Variants in CTNNA3 observed in about 807,000 individuals in gnomAD.
CTNNA3 encodes the protein catenin alpha-3.
CTNNA3 carries 76 observed loss-of-function variants against 95.7 expected under a neutral mutation model. That is an observed-to-expected ratio of 0.79 (90% CI 0.66 to 0.96). The LOEUF (loss-of-function observed/expected upper bound fraction) is 0.96. Among genes scored for constraint, CTNNA3 ranks in the 40% least tolerant of loss-of-function variants. The probability of loss-of-function intolerance (pLI) is 0.00; values close to 1 mark genes in which losing one functional copy is unlikely to be tolerated. For synonymous variants in CTNNA3, 431 were observed against 374.4 expected, an observed-to-expected ratio of 1.15 and a Z score of -1.74; for missense variants, 1,191 against 1,089.8, an observed-to-expected ratio of 1.09 and a Z score of -1.31.
chr10:66,258,636 A>G (rs929736930), intron 13 of CTNNA3, among the ~76,000 whole-genome samples: 2 of 152,126 alleles, frequency 1.3e-5, no homozygotes, highest in Non-Finnish European at 2.9e-5. Flanking sequence ...TTTGAGAGTG[A>G]GCCTAAGATC....
intron 9 of CTNNA3, among the ~76,000 whole-genome samples, chr10:66,764,433 G>C (rs1349565017): frequency 2.0e-5 from 3 of 152,140 alleles, no homozygotes; most frequent in African/African-American, 4.8e-5. Context: ...AATTAAAGAG[G>C]TCTCTTTGCT....
At chr10:67,068,821 A>C (rs1384683436) in intron 7 of CTNNA3, among the ~76,000 whole-genome samples, 1 of 152,222 alleles carries the variant, frequency 6.6e-6, no homozygotes, top group Non-Finnish European at 1.5e-5. Context: ...GCACTTTGGG[A>C]GGCTGAGGCA....
chr10:67,405,345 G>A (rs973112511), intron 5 of CTNNA3, among the ~76,000 whole-genome samples: 6 of 152,082 alleles, frequency 3.9e-5, no homozygotes, highest in Non-Finnish European at 7.4e-5. Context: ...AAGGGATGGA[G>A]GAAAATTTAC....
In CTNNA3 at chr10:66,486,683, T is replaced by G. The variant is rs952151965; in HGVS notation, c.1531+33934A>C. On this transcript the variant is annotated intron_variant, in intron 11 of 17. Transcript: ENST00000433211. ...CTAATATATGATCCCACAATCCCAC[T>G]TCTGGGTATATAGCCAAAGGAATTA... is the stretch of plus-strand genomic sequence containing the variant. 2.0e-5 allele frequency among the ~76,000 whole-genome samples: 3 copies of G among 152,248 alleles called. No homozygotes were observed. In the South Asian group the frequency reaches 6.2e-4, roughly 32 times the overall value.
chr10:67,681,712 G>A (rs1265438438), intron 1 of CTNNA3, among the ~76,000 whole-genome samples: 2 of 151,820 alleles, frequency 1.3e-5, no homozygotes, highest in Non-Finnish European at 2.9e-5. Context: ...TAAAGGAAGA[G>A]GTTTAAAATT....
At chr10:66,540,735 T>C (rs1841821565) in intron 10 of CTNNA3, among the ~76,000 whole-genome samples, 1 of 151,796 alleles carries the variant, frequency 6.6e-6, no homozygotes, top group Non-Finnish European at 1.5e-5. Context: ...ATCAGAAATT[T>C]GGGAGAGCCA....
intron 9 of CTNNA3, among the ~76,000 whole-genome samples, chr10:66,631,612 T>C (rs1318178833): frequency 6.6e-6 from 1 of 152,128 alleles, no homozygotes; most frequent in South Asian, 2.1e-4. Flanking sequence ...TAGCAATCTA[T>C]GAATAGGAAG....
intron 5 of CTNNA3, among the ~76,000 whole-genome samples, chr10:67,454,714 C>A (rs1229170193): frequency 1.3e-5 from 2 of 151,746 alleles, no homozygotes; most frequent in Non-Finnish European, 2.9e-5. Context: ...TGAACCTCTA[C>A]CAATGGAATC....
chr10:67,162,110 T>C (rs966794195), intron 7 of CTNNA3, among the ~76,000 whole-genome samples: 1 of 151,904 alleles, frequency 6.6e-6, no homozygotes, highest in African/African-American at 2.4e-5. Flanking sequence ...TCTCAACAAT[T>C]ATAAGAACAA....
At position 65,929,130 on chromosome 10, in the gene CTNNA3, G is replaced by GT. The variant is rs199957474; in HGVS notation, c.2401-8514dup. 8.1e-3 allele frequency among the ~76,000 whole-genome samples: 1,230 copies of GT among 151,070 alleles called. 18 individuals carry two copies. The highest frequency in any genetic ancestry group is 0.029 in the African/African-American group (1,177 of 41,086). Reference sequence around the variant, plus strand: ...TATGAGTGAGAACATGTGGTGTTTGGTTTTTTGTCCTTGCGATAGTTTACT... The same window carrying GT: ...TATGAGTGAGAACATGTGGTGTTTGGTTTTTTTGTCCTTGCGATAGTTTACT... On this transcript the variant is annotated intron_variant, in intron 17 of 17. Coordinates refer to ENST00000433211, the MANE Select transcript of CTNNA3 (RefSeq NM_013266.4).
intron 10 of CTNNA3, among the ~76,000 whole-genome samples, chr10:66,535,709 G>A (rs1200641497): frequency 6.6e-6 from 1 of 152,104 alleles, no homozygotes; most frequent in African/African-American, 2.4e-5. Flanking sequence ...TCAACCCTGT[G>A]GTGAGGGATG....
At chr10:66,227,219 G>GTT (rs2089341841) in intron 13 of CTNNA3, among the ~76,000 whole-genome samples, 2 of 152,134 alleles carry the variant, frequency 1.3e-5, no homozygotes, top group East Asian at 1.9e-4. Flanking sequence ...CCAGTGCTAT[G>GTT]TTAAATAAGA....
At position 67,044,939 on chromosome 10, in the gene CTNNA3, G is replaced by C. The variant is rs192516763; in HGVS notation, c.1047+135378C>G. On this transcript the variant is annotated intron_variant, in intron 7 of 17. Transcript: ENST00000433211. The stretch of plus-strand genomic sequence containing the variant: ...GGAAAAACGGGGATAACCAGAAGCT[G>C]TGAAAAGTAAATAAGATTTGATATT... Among the ~76,000 whole-genome samples, 3 of 152,292 alleles carry C rather than the reference G, an allele frequency of 2.0e-5. No individual in the cohort carries two copies. The East Asian group carries it at 5.8e-4, about 29-fold the overall frequency.
intron 13 of CTNNA3, among the ~76,000 whole-genome samples, chr10:66,207,198 T>C (rs1221782175): frequency 1.3e-5 from 2 of 150,994 alleles, no homozygotes; most frequent in African/African-American, 4.8e-5. Flanking sequence ...ATCTATCTAA[T>C]GATATCTACC....
chr10:67,623,799 T>C (rs1011511851), intron 2 of CTNNA3, among the ~76,000 whole-genome samples: 14 of 152,150 alleles, frequency 9.2e-5, no homozygotes, highest in African/African-American at 3.1e-4. Context: ...CCCCAAAATA[T>C]GGTACCCTGG....
chr10:67,195,848 T>C (rs2132190565), intron 6 of CTNNA3, among the ~76,000 whole-genome samples: 1 of 152,256 alleles, frequency 6.6e-6, no homozygotes, highest in South Asian at 2.1e-4. Flanking sequence ...ATAAATGCTA[T>C]TCATCATTCA....
At chr10:67,000,308 A>G (rs777065062) in intron 7 of CTNNA3, among the ~76,000 whole-genome samples, 1 of 152,230 alleles carries the variant, frequency 6.6e-6, no homozygotes, top group Non-Finnish European at 1.5e-5. Flanking sequence ...TGATTGAGGT[A>G]AGAAAAGGCT....
At chr10:67,592,591 A>T (rs989717155) in intron 3 of CTNNA3, among the ~76,000 whole-genome samples, 5 of 152,216 alleles carry the variant, frequency 3.3e-5, no homozygotes, top group Admixed American at 2.0e-4. Flanking sequence ...ATTTGTCAGT[A>T]GCAACAATGG....
At chr10:67,393,915 A>G (rs1380906262) in intron 5 of CTNNA3, among the ~76,000 whole-genome samples, 3 of 152,184 alleles carry the variant, frequency 2.0e-5, no homozygotes, top group Admixed American at 2.0e-4. Context: ...GCACAGCTCA[A>G]TTCAGGATGG....
Sources: gnomAD v4.1 joint callset for allele counts (sites outside exome capture counted in the v4.1 genomes callset) on GRCh38, gnomAD v4.1.1 for gene constraint, MANE v1.5 for transcripts, NCBI Gene and HGNC (gene_info 2026-07-23, HGNC 2026-07-21) for gene names.